UNC79: variants seen among roughly 807,000 people sequenced by gnomAD.
UNC79 encodes the protein protein unc-79 homolog.
A neutral mutation model predicts 283.1 loss-of-function variants in UNC79; 37 were observed. That is an observed-to-expected ratio of 0.13 (90% CI 0.10 to 0.17). UNC79 has a LOEUF of 0.17. UNC79 is among the 10% of genes least tolerant of loss of function. UNC79 has a pLI of 1.00. For missense variants in UNC79, 2,272 were observed against 3,211.1 expected (o/e 0.71, Z 7.07); for synonymous variants, 1,107 against 1,200.2 (o/e 0.92, Z 1.61).
intron 1 of UNC79, among the ~76,000 whole-genome samples, chr14:93,411,073 GC>G (rs2055327111): frequency 6.6e-6 from 1 of 152,122 alleles, no homozygotes. Flanking sequence ...TCAGAGGGGA[GC>G]GCATTGCCCC....
chr14:93,422,082 C>T lies in UNC79; in HGVS notation c.-350-45589C>T, dbSNP rs1190932892. Among the ~76,000 whole-genome samples, 2 of 151,754 alleles carry T rather than the reference C, an allele frequency of 1.3e-5. 1 individual carries two copies. The highest frequency in any genetic ancestry group is 3.9e-4 in the East Asian group (2 of 5,148). ...AGGTTAAGAACACACCCATGACACACCCTCAGGAGGTCCTGATGATATGGG... is the reference window on the plus strand; with the variant it reads ...AGGTTAAGAACACACCCATGACACATCCTCAGGAGGTCCTGATGATATGGG... On this transcript the variant is annotated intron_variant, in intron 1 of 49. Coordinates refer to the UNC79 transcript ENST00000256339.
chr14:93,688,887 C>G lies in UNC79; in HGVS notation c.7085+47C>G, dbSNP rs780540157. On this transcript the variant is annotated intron_variant, in intron 44 of 48. Transcript: ENST00000555664. The surrounding 1 kb of genome is among the most constrained non-coding windows in gnomAD (Gnocchi z 4.0). ...GAATGAGGGTAAAGAAGGCAGGAGA[C>G]ACCCCTGAGTTTCCTCGGGCTCAGC... 6 of 1,587,834 alleles carry G rather than the reference C, an allele frequency of 3.8e-6. No individual in the cohort carries two copies. The South Asian group carries it at 5.7e-5, about 15-fold the overall frequency.
intron 20 of UNC79, among the ~76,000 whole-genome samples, chr14:93,584,679 TAAA>T (rs1370877357): frequency 1.3e-5 from 2 of 152,214 alleles, no homozygotes; most frequent in East Asian, 3.8e-4. Context: ...GAGCAATGGT[TAAA>T]ATTAAGCAAT....
chr14:93,497,662 T>G (rs2059075571), intron 7 of UNC79, among the ~76,000 whole-genome samples: 2 of 152,108 alleles, frequency 1.3e-5, no homozygotes, highest in Admixed American at 6.6e-5. Flanking sequence ...TGCAGCACTT[T>G]CAATATCACC....
chr14:93,518,484 T>A (rs1311031823), intron 7 of UNC79, among the ~76,000 whole-genome samples: 2 of 110,092 alleles, frequency 1.8e-5, no homozygotes, highest in Non-Finnish European at 4.1e-5. Flanking sequence ...ATCAAGTTTT[T>A]GGGACTTTTC....
chr14:93,443,218 A>G (rs1389178005), intron 1 of UNC79, among the ~76,000 whole-genome samples: 1 of 133,794 alleles, frequency 7.5e-6, no homozygotes, highest in Non-Finnish European at 1.6e-5. Flanking sequence ...AGAGGGAGTC[A>G]GTCTCTAAAT....
intron 1 of UNC79, among the ~76,000 whole-genome samples, chr14:93,449,026 A>G (rs377272644): frequency 1.4e-3 from 209 of 152,226 alleles, no homozygotes; most frequent in Non-Finnish European, 2.5e-3. Flanking sequence ...TGAAGACCCA[A>G]CTGCCTTCCT....
chr14:93,543,887 T>C (rs936849729), intron 14 of UNC79, among the ~76,000 whole-genome samples: 6 of 152,220 alleles, frequency 3.9e-5, no homozygotes, highest in Admixed American at 6.5e-5. Context: ...ACAGACCATC[T>C]ATAGGGGTAA....
rs771271448 is a variant in UNC79, at chr14:93,531,304, T to C, written c.1094-1246T>C. Among the ~76,000 whole-genome samples the C allele has an allele frequency of 2.8e-4, 42 of 152,352 alleles. No individual in the cohort carries two copies. The highest frequency in any genetic ancestry group is 5.0e-4 in the Non-Finnish European group (34 of 68,034). On this transcript the variant is annotated intron_variant, in intron 10 of 48. Transcript: ENST00000555664. This position sits in a 1 kb window ranked among gnomAD's most constrained non-coding sequence, Gnocchi z 4.2. ...TAAATTTTGTTGCTTTTTCATCCAC[T>C]AGTTTAAGATTACCAGACAGGGTTT... is the stretch of plus-strand genomic sequence containing the variant.
At chr14:93,643,562 A>C (rs1230278104) in exon 34 of UNC79, 16 of 1,613,800 alleles carry the variant, frequency 9.9e-6, no homozygotes, top group Non-Finnish European at 1.4e-5. Context: ...TGCAGATGCC[A>C]TGACTGTGGG....
At chr14:93,554,589 A>G (rs2062063745) in intron 14 of UNC79, among the ~76,000 whole-genome samples, 1 of 152,136 alleles carries the variant, frequency 6.6e-6, no homozygotes, top group Non-Finnish European at 1.5e-5. Flanking sequence ...AAACCCTATT[A>G]TTCTGACACA....
chr14:93,392,411 A>G (rs2054902887), intron 1 of UNC79, among the ~76,000 whole-genome samples: 1 of 152,238 alleles, frequency 6.6e-6, no homozygotes. Context: ...ACTTATGGGA[A>G]GGGTACAGGT....
intron 5 of UNC79, 24 bp from the exon 6 acceptor site, chr14:93,496,387 T>A: frequency 6.8e-7 from 1 of 1,468,782 alleles, no homozygotes; most frequent in Non-Finnish European, 9.2e-7. Flanking sequence ...ATTTCATGTA[T>A]GAATTACATT....
At chr14:93,490,695 C>T (rs2058681724) in intron 5 of UNC79, among the ~76,000 whole-genome samples, 1 of 152,202 alleles carries the variant, frequency 6.6e-6, no homozygotes, top group African/African-American at 2.4e-5. Flanking sequence ...ACATTCTCTT[C>T]AGGATCATTT....
intron 38 of UNC79, among the ~76,000 whole-genome samples, chr14:93,656,639 G>A (rs961407396): frequency 2.6e-5 from 4 of 151,980 alleles, no homozygotes; most frequent in Non-Finnish European, 4.4e-5. Flanking sequence ...GGATGACAGA[G>A]AGAGACTCTG....
chr14:93,370,022 T>C (rs922707344), intron 1 of UNC79, among the ~76,000 whole-genome samples: 1 of 152,156 alleles, frequency 6.6e-6, no homozygotes, highest in Non-Finnish European at 1.5e-5. Context: ...TCCAGAAGCA[T>C]AGGCTCACTA....
rs544507591 is a variant in UNC79 at position 93,489,526 on chromosome 14, A to G, written c.712+1771A>G. On this transcript the variant is annotated intron_variant, in intron 5 of 48. Transcript: ENST00000555664. Reference sequence around the variant, plus strand: ...CATAGCATAGACATTCCCATCCAAAAGGGAGAAATGGGAAAGAAAAAAGGT... The same window carrying G: ...CATAGCATAGACATTCCCATCCAAAGGGGAGAAATGGGAAAGAAAAAAGGT... Among the ~76,000 whole-genome samples, 4 of 152,364 alleles carry G rather than the reference A, an allele frequency of 2.6e-5. No individual in the cohort carries two copies. In the East Asian group the frequency reaches 5.8e-4, roughly 22 times the overall value.
At chr14:93,632,058 A>G (rs1566819578) in intron 31 of UNC79, among the ~76,000 whole-genome samples, 1 of 152,264 alleles carries the variant, frequency 6.6e-6, no homozygotes, top group Non-Finnish European at 1.5e-5. Flanking sequence ...ATTGAGATCC[A>G]GAGAAGCTAA....
exon 30 of UNC79, chr14:93,622,590 T>G (rs2067220324): frequency 6.2e-7 from 1 of 1,613,690 alleles, no homozygotes; most frequent in Admixed American, 1.7e-5. Flanking sequence ...GCAAAAACCG[T>G]CCTCCTCAAA....
Sources: gnomAD v4.1 joint callset for allele counts (sites outside exome capture counted in the v4.1 genomes callset) on GRCh38, gnomAD v4.1.1 for gene constraint, Gnocchi (gnomAD v3.1) non-coding constraint, MANE v1.5 for transcripts, NCBI Gene and HGNC (gene_info 2026-07-23, HGNC 2026-07-21) for gene names.